Variants in GEM observed in about 807,000 individuals in gnomAD.
GEM encodes the protein GTP binding protein overexpressed in skeletal muscle.
Under a neutral mutation model 33.0 loss-of-function variants are expected in GEM, and 31 were observed. The ratio of observed to expected loss-of-function variants is 0.94; its 90% CI spans 0.71 to 1.27. GEM has a LOEUF of 1.27. Among genes scored for constraint, GEM ranks in the 50% most tolerant of loss-of-function variants. The pLI is 0.00. For synonymous variants in GEM, 141 were observed against 143.7 expected, an observed-to-expected ratio of 0.98 and a Z score of 0.13; for missense variants, 354 against 390.5, an observed-to-expected ratio of 0.91 and a Z score of 0.79.
At position 94,249,333 on chromosome 8, in the gene GEM, A is replaced by G. The variant is rs1276038648; in HGVS notation, c.*977T>C. On this transcript the variant is annotated 3_prime_UTR_variant, in exon 5 of 5. Coordinates refer to ENST00000297596, the MANE Select transcript of GEM (RefSeq NM_005261.4). ...ATTTTGAAAAAGATAGAAAATGGTAATAAAATGGATATTTTTCTTATTAAG... is the reference window on the plus strand; with the variant it reads ...ATTTTGAAAAAGATAGAAAATGGTAGTAAAATGGATATTTTTCTTATTAAG... The G allele has an allele frequency of 1.3e-5, 2 of 152,228 alleles. No individual in the cohort carries two copies. Among genetic ancestry groups the G allele is most frequent in the African/African-American group, 4.8e-5 (2 of 41,454 alleles). The allele number at this position is 152,228 out of a possible 1,614,324, so 9.4% of individuals were successfully genotyped here.
At chr8:94,252,932 C>A in intron 3 of GEM, 104 bp downstream of exon 3, 4 of 668,220 alleles carry the variant, frequency 6.0e-6, no homozygotes, top group Non-Finnish European at 1.1e-5. Context: ...ATGAGCCCAC[C>A]TCATCTGGAA....
At position 94,249,720 on chromosome 8, in the gene GEM, T is replaced by A. The variant is rs1449271483; in HGVS notation, c.*590A>T. The A allele has an allele frequency of 6.6e-6, 1 of 152,192 alleles. No individual in the cohort carries two copies. The highest frequency in any genetic ancestry group is 1.5e-5 in the Non-Finnish European group (1 of 68,016). The allele number at this position is 152,192 out of a possible 1,614,324, so 9.4% of individuals were successfully genotyped here. On this transcript the variant is annotated 3_prime_UTR_variant, in exon 5 of 5. Transcript: ENST00000297596. ...ACACATGTATCAGTTCCCAATTCTA[T>A]ATGTCTTGGTGGGCATTGAACAAAA...
At chr8:94,252,268 G>A (rs904921242) in intron 3 of GEM, 45 bp from the exon 4 acceptor site, 1 of 1,267,370 alleles carries the variant, frequency 7.9e-7, no homozygotes, top group Non-Finnish European at 1.1e-6. Flanking sequence ...TAGGCCTGGG[G>A]AATAAAGCAT....
chr8:94,260,020 C>G, intron 2 of GEM, 153 bp downstream of exon 2: 1 of 574,712 alleles, frequency 1.7e-6, no homozygotes, highest in Non-Finnish European at 3.1e-6. Context: ...AAAGCCTGTG[C>G]TTGGGCTTTT....
At chr8:94,260,098 T>G in intron 2 of GEM, 75 bp downstream of exon 2, 1 of 948,788 alleles carries the variant, frequency 1.1e-6, no homozygotes, top group Non-Finnish European at 1.6e-6. Flanking sequence ...TGTGGGTAAA[T>G]AAGTCACCCA....
chr8:94,252,082 T>A lies in GEM; in HGVS notation c.550A>T (p.Ile184Phe). 3.1e-6 allele frequency: 5 copies of A among 1,614,190 alleles called. No individual in the cohort carries two copies. Among genetic ancestry groups the A allele is most frequent in the Non-Finnish European group, 4.2e-6 (5 of 1,180,022 alleles). ...QLRRARQTED[I>F]PIILVGNKSD... is the part of the protein sequence containing the mutation. ...TTGTTGCCAACCAAAATTATGGGAA[T>A]GTCCTCTGTCTGCCGGGCCCTGCGG... Residue 184 changes from isoleucine (I) to phenylalanine (F), a missense_variant, in exon 4 of 5, where the codon ATT (isoleucine) becomes TTT (phenylalanine). By Grantham distance (21) the Ile-to-Phe change is conservative. Transcript: ENST00000297596.
intron 2 of GEM, among the ~76,000 whole-genome samples, 180 bp from the exon 3 acceptor site, chr8:94,253,292 A>T (rs1412482343): frequency 6.6e-6 from 1 of 152,236 alleles, no homozygotes; most frequent in Non-Finnish European, 1.5e-5. Flanking sequence ...AACATTCTAC[A>T]TATAATTCCT....
chr8:94,257,776 A>G (rs1287011831), intron 2 of GEM, among the ~76,000 whole-genome samples: 4 of 151,936 alleles, frequency 2.6e-5, no homozygotes, highest in Non-Finnish European at 5.9e-5. Flanking sequence ...AGATTACTGT[A>G]GTGTAACTGT....
At chr8:94,258,863 G>T (rs761987774) in intron 2 of GEM, among the ~76,000 whole-genome samples, 1 of 152,102 alleles carries the variant, frequency 6.6e-6, no homozygotes, top group Non-Finnish European at 1.5e-5. Context: ...CTGAGACTTA[G>T]TTTACTCATG....
Position 94,260,323 on chromosome 8 carries a change from C to CAA in GEM, c.180_181insTT (p.Asp61LeufsTer22). On this transcript the variant is annotated frameshift_variant, in exon 2 of 5. Coordinates refer to ENST00000297596, the MANE Select transcript of GEM (RefSeq NM_005261.4). LOFTEE classifies it high-confidence loss of function. Reference sequence around the variant, plus strand: ...GAGGAGATGACTGAGTCTGTGGAGTCAGAGGACCAGCTTCGGCGGCAGTGG... The same window carrying CAA: ...GAGGAGATGACTGAGTCTGTGGAGTCAAAGAGGACCAGCTTCGGCGGCAGTGG... The CAA allele has an allele frequency of 1.2e-6, 2 of 1,614,202 alleles. No homozygotes were observed. The highest frequency in any genetic ancestry group is 4.5e-5 in the East Asian group (2 of 44,880).
rs1208323170 is a variant in GEM, at chr8:94,254,910, C to T, written c.332-1798G>A. 3.3e-5 allele frequency among the ~76,000 whole-genome samples: 5 copies of T among 152,316 alleles called. No homozygotes were observed. In the East Asian group the frequency reaches 9.6e-4, roughly 29 times the overall value. On this transcript the variant is annotated intron_variant, in intron 2 of 4. Coordinates refer to ENST00000297596, the MANE Select transcript of GEM (RefSeq NM_005261.4). ...CTCTGTCTCGCCCATCGTGTGCCTG[C>T]TCACAATATGCAGAAGGAATGAGAT...
rs935211262 is a variant in GEM, at chr8:94,260,347, G to T, written c.157C>A (p.His53Asn). 5.0e-6 allele frequency: 8 copies of T among 1,614,204 alleles called. No homozygotes were observed. The highest frequency in any genetic ancestry group is 6.8e-6 in the Non-Finnish European group (8 of 1,180,034). ...RNRHSATPED[H>N]CRRSWSSDST... is the part of the protein sequence containing the mutation. ...TCAGAGGACCAGCTTCGGCGGCAGT[G>T]GTCCTCAGGGGTAGCAGAATGGCGG... The change falls in exon 2 of 5, where the codon CAC (histidine) becomes AAC (asparagine). Residue 53 changes from histidine to asparagine, a missense_variant. Transcript: ENST00000297596.
At chr8:94,259,103 AAT>A (rs1334356935) in intron 2 of GEM, among the ~76,000 whole-genome samples, 1 of 152,170 alleles carries the variant, frequency 6.6e-6, no homozygotes, top group African/African-American at 2.4e-5. Context: ...GAGAGAAATC[AAT>A]GTTACAACAA....
intron 2 of GEM, among the ~76,000 whole-genome samples, chr8:94,259,409 C>T (rs1433982832): frequency 2.0e-5 from 3 of 152,286 alleles, no homozygotes; most frequent in East Asian, 3.9e-4. Context: ...ACCCTGGTCG[C>T]ATACGCTCAG....
Position 94,252,009 on chromosome 8 carries a change from C to A in GEM, c.613+10G>T. 1 of 1,600,976 alleles carries A rather than the reference C, an allele frequency of 6.2e-7. No individual in the cohort carries two copies. Among genetic ancestry groups the A allele is most frequent in the Non-Finnish European group, 8.6e-7 (1 of 1,167,972 alleles). ...GATTGTTTCTACAGTATTGGCTCTG[C>A]TCCTCTTACCTGATACAGACACTTC... On this transcript the variant is annotated intron_variant, in intron 4 of 4. Coordinates refer to ENST00000297596, the MANE Select transcript of GEM (RefSeq NM_005261.4).
chr8:94,250,108 G>T lies in GEM; in HGVS notation c.*202C>A. 1.7e-6 allele frequency: 1 copy of T among 572,730 alleles called. No homozygotes were observed. The highest frequency in any genetic ancestry group is 2.5e-5 in the South Asian group (1 of 39,678). 35.5% of individuals were successfully genotyped at this position (572,730 alleles called of 1,614,324 possible). A position where few individuals can be genotyped will look rare whatever the true frequency, so the allele number is the denominator to read the frequency against. On this transcript the variant is annotated 3_prime_UTR_variant, in exon 5 of 5. Transcript: ENST00000297596. The stretch of plus-strand genomic sequence containing the variant: ...TTGGGTGTTCAAATAGCAAGGTCAG[G>T]CTTTTCCTGGAAATAAATACTGACT...
In GEM at chr8:94,252,182, C is replaced by T; in HGVS notation, c.450G>A (p.Gly150=). 6.2e-7 allele frequency: 1 copy of T among 1,613,504 alleles called. No individual in the cohort carries two copies. Among genetic ancestry groups the T allele is most frequent in the Non-Finnish European group, 8.5e-7 (1 of 1,179,582 alleles). The stretch of plus-strand genomic sequence containing the variant: ...TTGAGTAGACAATCAGGTATGCGTC[C>T]CCGACCTGCATGCAGTGGTCATGGA... The part of the protein sequence containing the change: ...EWLHDHCMQV[G]DAYLIVYSIT... The change falls in exon 4 of 5, where the codon GGG becomes GGA. Residue 150 remains glycine (G), a synonymous_variant. Coordinates refer to ENST00000297596, the MANE Select transcript of GEM (RefSeq NM_005261.4).
rs1808982494 is a variant in GEM at position 94,260,174 on chromosome 8, TC to T, written c.329del (p.Gly110GlufsTer9). The T allele has an allele frequency of 6.3e-7, 1 of 1,582,756 alleles. No individual in the cohort carries two copies. Among genetic ancestry groups the T allele is most frequent in the Admixed American group, 1.7e-5 (1 of 59,558 alleles). On this transcript the variant is annotated frameshift_variant and splice_region_variant, in exon 2 of 5. Transcript: ENST00000297596. LOFTEE classifies it high-confidence loss of function. ...GCCCACTGGGGCTGGGACACCTACC[TC>T]CCAGCACCTCGCAGTCGCTGTCCAT... ...DSMDSDCEVL[G>X]EDTYERTLMV... is the part of the protein sequence containing the mutation.
chr8:94,251,934 G>A (rs941950022), intron 4 of GEM, 85 bp downstream of exon 4: 65 of 1,035,366 alleles, frequency 6.3e-5, no homozygotes, highest in Non-Finnish European at 8.4e-5. Flanking sequence ...ATCCAGCCTC[G>A]TGGAAGGAGG....
Sources: allele counts gnomAD v4.1 joint callset (sites outside exome capture counted in the v4.1 genomes callset), GRCh38; gene constraint gnomAD v4.1.1; transcripts MANE v1.5; gene names NCBI Gene and HGNC (gene_info 2026-07-23, HGNC 2026-07-21).